C12orf50: variants seen among roughly 807,000 people sequenced by gnomAD.
C12orf50 encodes uncharacterized protein C12orf50.
A neutral mutation model predicts 61.6 loss-of-function variants in C12orf50; 35 were observed. The ratio of observed to expected loss-of-function variants is 0.57; its 90% CI spans 0.43 to 0.75. The LOEUF (loss-of-function observed/expected upper bound fraction) is 0.75, where lower values mean the gene tolerates loss of function less well. Among genes scored for constraint, C12orf50 ranks in the 30% least tolerant of loss-of-function variants. The pLI, the probability that C12orf50 is intolerant of heterozygous loss-of-function variation, is 0.00. For synonymous variants in C12orf50, 178 were observed against 161.5 expected (o/e 1.10, Z -0.77); for missense variants, 475 against 488.5 (o/e 0.97, Z 0.26).
chr12:87,989,251 T>C lies in C12orf50; in HGVS notation c.700+13A>G, dbSNP rs1484047852. ...AAATTACAAATGAATCAAAATTATA[T>C]AATATTCATTACCTTTAGTATTTGA... is the stretch of plus-strand genomic sequence containing the variant. On this transcript the variant is annotated intron_variant, in intron 8 of 12. Coordinates refer to ENST00000298699, the MANE Select transcript of C12orf50 (RefSeq NM_152589.3). The C allele has an allele frequency of 1.3e-6, 2 of 1,539,198 alleles. No individual in the cohort carries two copies. The highest frequency in any genetic ancestry group is 8.9e-7 in the Non-Finnish European group (1 of 1,121,226).
intron 1 of C12orf50, chr12:88,029,132 T>C: frequency 7.8e-7 from 1 of 1,274,670 alleles, no homozygotes; most frequent in Middle Eastern, 2.2e-4. Context: ...TTCAACTCTC[T>C]TGCTGCTAAT....
intron 3 of C12orf50, among the ~76,000 whole-genome samples, chr12:88,024,283 T>C (rs1224507037): frequency 6.6e-6 from 1 of 152,178 alleles, no homozygotes; most frequent in Admixed American, 6.5e-5. Context: ...ATTGGGTATA[T>C]ACACACAGGA....
intron 3 of C12orf50, 84 bp downstream of exon 3, chr12:88,026,403 AC>A: frequency 6.9e-7 from 1 of 1,458,154 alleles, no homozygotes. Context: ...ACCTTGTCAT[AC>A]TTTTTAAATG....
At chr12:88,002,401 T>A (rs1592664546) in intron 3 of C12orf50, among the ~76,000 whole-genome samples, 1 of 151,828 alleles carries the variant, frequency 6.6e-6, no homozygotes, top group East Asian at 1.9e-4. Flanking sequence ...TCACCTAGAA[T>A]GTGATCTATA....
chr12:87,985,962 T>G lies in C12orf50; in HGVS notation c.1014A>C (p.Gln338His). 6.2e-7 allele frequency: 1 copy of G among 1,613,926 alleles called. No individual in the cohort carries two copies. Among genetic ancestry groups the G allele is most frequent in the Non-Finnish European group, 8.5e-7 (1 of 1,179,890 alleles). ...NAENASYIHV[Q>H]RDAVRTVALN... ...ACGCGACAGTCCTGACAGCATCTCT[T>G]TGAACGTGGATATAGGATGCATTCT... is the stretch of plus-strand genomic sequence containing the variant. Residue 338 changes from glutamine to histidine, a missense_variant, in exon 11 of 13, where the codon CAA (glutamine) becomes CAC (histidine). Gln to His is a conservative substitution (Grantham distance 24). Transcript: ENST00000298699.
At chr12:87,991,654 T>A (rs939674967) in intron 7 of C12orf50, among the ~76,000 whole-genome samples, 1 of 152,116 alleles carries the variant, frequency 6.6e-6, no homozygotes, top group Non-Finnish European at 1.5e-5. Context: ...GCTAACATTA[T>A]GAGTCATCAA....
chr12:88,014,095 G>A (rs2032215776), intron 3 of C12orf50, among the ~76,000 whole-genome samples: 1 of 152,116 alleles, frequency 6.6e-6, no homozygotes, highest in Non-Finnish European at 1.5e-5. Flanking sequence ...AATTAAAGGG[G>A]AAAGGCAGTC....
chr12:87,988,029 G>T, intron 8 of C12orf50, 63 bp from the exon 9 acceptor site: 2 of 1,023,390 alleles, frequency 2.0e-6, no homozygotes, highest in Non-Finnish European at 1.5e-6. Flanking sequence ...CATTTCAGTT[G>T]TTATTTCACT....
At chr12:88,006,127 G>A (rs1174842638) in intron 3 of C12orf50, among the ~76,000 whole-genome samples, 2 of 151,808 alleles carry the variant, frequency 1.3e-5, no homozygotes, top group African/African-American at 4.8e-5. Context: ...CGTGTTAGCT[G>A]GGATGGTCTC....
intron 1 of C12orf50, among the ~76,000 whole-genome samples, chr12:88,028,801 T>A (rs923387308): frequency 1.2e-4 from 18 of 152,126 alleles, no homozygotes; most frequent in Admixed American, 1.2e-3. Context: ...AAGTGCCACA[T>A]GAAGATTCAA....
chr12:88,024,080 C>A (rs568618202), intron 3 of C12orf50, among the ~76,000 whole-genome samples: 6 of 152,066 alleles, frequency 3.9e-5, no homozygotes, highest in African/African-American at 1.4e-4. Context: ...TAATGAAATA[C>A]CACCTCATAC....
intron 11 of C12orf50, 96 bp downstream of exon 11, chr12:87,985,754 G>C (rs1276276841): frequency 8.4e-7 from 1 of 1,191,172 alleles, no homozygotes; most frequent in East Asian, 2.3e-5. Context: ...AAAGAAGAGG[G>C]GAGTAAGTAG....
In C12orf50 at chr12:88,022,471, C is replaced by A. The variant is rs536093444; in HGVS notation, c.133+4017G>T. ...GACAAGTATACCCTCTGTCACCACT[C>A]CTACTCACCATAGTATTGAAAAGTC... On this transcript the variant is annotated intron_variant, in intron 3 of 12. Coordinates refer to ENST00000298699, the MANE Select transcript of C12orf50 (RefSeq NM_152589.3). 3.9e-5 allele frequency among the ~76,000 whole-genome samples: 6 copies of A among 152,230 alleles called. No homozygotes were observed. In the South Asian group the frequency reaches 1.0e-3, roughly 26 times the overall value.
intron 3 of C12orf50, among the ~76,000 whole-genome samples, chr12:88,014,551 G>A (rs1490423008): frequency 3.3e-5 from 5 of 152,084 alleles, no homozygotes; most frequent in East Asian, 1.9e-4. Context: ...CGCCCGCCTC[G>A]GCCTCCCAAA....
At chr12:87,995,966 A>G (rs969862008) in intron 6 of C12orf50, among the ~76,000 whole-genome samples, 9 of 152,182 alleles carry the variant, frequency 5.9e-5, no homozygotes, top group African/African-American at 2.2e-4. Context: ...TCATTCAATG[A>G]CCAAATAATC....
rs776389667 is a variant in C12orf50 at position 87,998,030 on chromosome 12, C to T, written c.289+5G>A. 1.9e-6 allele frequency: 3 copies of T among 1,604,036 alleles called. No individual in the cohort carries two copies. In the South Asian group the frequency reaches 3.4e-5, roughly 18 times the overall value. On this transcript the variant is annotated splice_donor_5th_base_variant and intron_variant, in intron 4 of 12. Transcript: ENST00000298699. Reference sequence around the variant, plus strand: ...TATTGTAAACCTGAAAAAAGTTCTACTAACCATTTTGTTCATCTACTTCCT... The same window carrying T: ...TATTGTAAACCTGAAAAAAGTTCTATTAACCATTTTGTTCATCTACTTCCT...
intron 3 of C12orf50, among the ~76,000 whole-genome samples, chr12:87,999,766 G>A (rs1032145949): frequency 2.6e-5 from 4 of 151,922 alleles, no homozygotes; most frequent in African/African-American, 9.7e-5. Context: ...GTCAAAAAGT[G>A]GAAACAACCT....
chr12:88,017,708 T>C (rs2032363783), intron 3 of C12orf50, among the ~76,000 whole-genome samples: 1 of 152,178 alleles, frequency 6.6e-6, no homozygotes, highest in Non-Finnish European at 1.5e-5. Flanking sequence ...ATATGGACAA[T>C]GAAATCCAGG....
chr12:88,002,567 C>T (rs1160119984), intron 3 of C12orf50, among the ~76,000 whole-genome samples: 3 of 151,512 alleles, frequency 2.0e-5, no homozygotes, highest in African/African-American at 7.3e-5. Context: ...ATTTTCCATT[C>T]TTTTATTTTC....
Sources: gnomAD v4.1 joint callset for allele counts (sites outside exome capture counted in the v4.1 genomes callset) on GRCh38, gnomAD v4.1.1 for gene constraint, MANE v1.5 for transcripts, NCBI Gene and HGNC (gene_info 2026-07-23, HGNC 2026-07-21) for gene names.